The following KCNH5 variants were observed in gnomAD, a reference collection of about 807,000 sequenced individuals.
KCNH5 encodes the protein potassium voltage-gated channel subfamily H member 5, also known as voltage-gated delayed rectifier potassium channel KCNH5.
KCNH5 carries 46 observed loss-of-function variants against 96.1 expected under a neutral mutation model. That is an observed-to-expected ratio of 0.48 (90% CI 0.38 to 0.61). The LOEUF is 0.61. Among genes scored for constraint, KCNH5 ranks in the 20% least tolerant of loss-of-function variants. KCNH5 has a pLI of 0.00. For synonymous variants in KCNH5, 439 were observed against 449.8 expected (o/e 0.98, Z 0.30); for missense variants, 907 against 1,225.8 (o/e 0.74, Z 3.88).
intron 10 of KCNH5, among the ~76,000 whole-genome samples, chr14:62,735,837 T>C (rs1885144538): frequency 6.6e-6 from 1 of 152,192 alleles, no homozygotes; most frequent in African/African-American, 2.4e-5. Context: ...ACTGATGTCC[T>C]TTATAAAAAG....
chr14:62,997,768 T>C (rs1890933601), intron 4 of KCNH5, among the ~76,000 whole-genome samples: 1 of 151,426 alleles, frequency 6.6e-6, no homozygotes. Flanking sequence ...GGCATGGTGG[T>C]GGGCGCCTGT....
intron 3 of KCNH5, among the ~76,000 whole-genome samples, chr14:63,003,801 T>C (rs1891074933): frequency 6.7e-6 from 1 of 150,292 alleles, no homozygotes; most frequent in Non-Finnish European, 1.5e-5. Context: ...TTTGTATTTT[T>C]AGTAGAGACG....
chr14:62,976,799 C>A (rs1251188351), intron 6 of KCNH5, among the ~76,000 whole-genome samples: 1 of 152,052 alleles, frequency 6.6e-6, no homozygotes, highest in Admixed American at 6.5e-5. Flanking sequence ...TATCTCTAGC[C>A]AAGAATATTA....
chr14:62,957,159 G>A (rs1281574728), intron 6 of KCNH5, among the ~76,000 whole-genome samples: 2 of 152,174 alleles, frequency 1.3e-5, no homozygotes, highest in Admixed American at 1.3e-4. Flanking sequence ...GTATCCAGGA[G>A]ACACCTCTGT....
intron 9 of KCNH5, among the ~76,000 whole-genome samples, chr14:62,799,576 A>G: frequency 7.9e-6 from 1 of 126,680 alleles, no homozygotes; most frequent in African/African-American, 3.0e-5. Context: ...TCCGTCTCAA[A>G]AAAAAAAAAA....
At position 62,776,415 on chromosome 14, in the gene KCNH5, A is replaced by C. The variant is rs1007165955; in HGVS notation, c.2019+3313T>G. Among the ~76,000 whole-genome samples the C allele has an allele frequency of 6.6e-5, 10 of 152,114 alleles. No homozygotes were observed. In the East Asian group the frequency reaches 1.9e-3, roughly 29 times the overall value. On this transcript the variant is annotated intron_variant, in intron 10 of 10. Coordinates refer to ENST00000322893, the MANE Select transcript of KCNH5 (RefSeq NM_139318.5). The stretch of plus-strand genomic sequence containing the variant: ...ACACAGTGAGAAGCTGGATATTTGC[A>C]AGCCAGGAAAAGAACCCTCACCAGG...
chr14:62,934,111 T>C (rs1425011721), intron 7 of KCNH5, among the ~76,000 whole-genome samples: 1 of 150,828 alleles, frequency 6.6e-6, no homozygotes, highest in African/African-American at 2.4e-5. Flanking sequence ...TTTTTTCAAA[T>C]GCAGATTTCT....
intron 2 of KCNH5, among the ~76,000 whole-genome samples, chr14:63,008,198 G>A (rs1891161252): frequency 6.6e-6 from 1 of 152,128 alleles, no homozygotes; most frequent in African/African-American, 2.4e-5. Context: ...GATCCAAAGT[G>A]TGGTGGAGGC....
In KCNH5 at chr14:62,849,784, G is replaced by C. The variant is rs748140384; in HGVS notation, c.1438C>G (p.Arg480Gly). The C allele has an allele frequency of 1.2e-6, 2 of 1,613,824 alleles. No homozygotes were observed. The highest frequency in any genetic ancestry group is 8.5e-7 in the Non-Finnish European group (1 of 1,179,792). ...IFQQMYANTN[R>G]YHEMLNNVRD... ...ACATTATTCAGCATCTCATGGTATCGGTTGGTGTTGGCATACATTTGCTGG... is the reference window on the plus strand; with the variant it reads ...ACATTATTCAGCATCTCATGGTATCCGTTGGTGTTGGCATACATTTGCTGG... Residue 480 changes from arginine to glycine, a missense_variant, in exon 8 of 11, where the codon CGA becomes GGA. Arg to Gly is a moderately radical substitution (Grantham distance 125, BLOSUM62 -2). Transcript: ENST00000322893.
Position 62,707,428 on chromosome 14 carries a change from A to T in KCNH5, c.*80T>A. ...GGTCATCATCTTGAAAGCAAGTGAA[A>T]ATATATATATGTATATACTGTATAT... On this transcript the variant is annotated 3_prime_UTR_variant, in exon 11 of 11. Transcript: ENST00000322893. The T allele has an allele frequency of 1.5e-6, 1 of 675,006 alleles. No homozygotes were observed. Among genetic ancestry groups the T allele is most frequent in the Non-Finnish European group, 2.1e-6 (1 of 469,382 alleles). 41.8% of individuals were successfully genotyped at this position (675,006 alleles called of 1,614,324 possible). A position where few individuals can be genotyped will look rare whatever the true frequency, so the allele number is the denominator to read the frequency against.
In KCNH5 at chr14:63,008,933, T is replaced by A. The variant is rs186232874; in HGVS notation, c.198-2461A>T. Among the ~76,000 whole-genome samples, 66 of 152,214 alleles carry A rather than the reference T, an allele frequency of 4.3e-4. 5 individuals carry two copies. In the South Asian group the frequency reaches 5.2e-3, roughly 12 times the overall value. On this transcript the variant is annotated intron_variant, in intron 2 of 10. Coordinates refer to ENST00000322893, the MANE Select transcript of KCNH5 (RefSeq NM_139318.5). ...TAGACAAGTGAAATTTTTAAATCTT[T>A]TTTTACTAACTTTTATTTTTAATTA...
chr14:62,850,951 A>G (rs1956013), intron 7 of KCNH5, among the ~76,000 whole-genome samples: 101,683 of 152,038 alleles, frequency 0.67, 35,138 homozygotes, highest in East Asian at 0.88. Flanking sequence ...CAAAATATAG[A>G]CTGTTTCACT....
chr14:62,868,515 T>C (rs1036079020), intron 7 of KCNH5, among the ~76,000 whole-genome samples: 1 of 152,256 alleles, frequency 6.6e-6, no homozygotes, highest in Non-Finnish European at 1.5e-5. Flanking sequence ...ATTCTGTTTC[T>C]GAGCAATTAT....
In KCNH5 at chr14:62,950,300, C is replaced by T. The variant is rs1461051682; in HGVS notation, c.1202G>A (p.Arg401His). The T allele has an allele frequency of 9.9e-6, 16 of 1,613,948 alleles. No homozygotes were observed. The highest frequency in any genetic ancestry group is 1.7e-4 in the Middle Eastern group (1 of 6,060). ...CCATATCCCAGCACTGGTATTGTAG[C>T]GATATGGAGTCCCAATGCTCAAAGC... ...QLALSIGTPY[R>H]YNTSAGIWEG... Residue 401 changes from arginine (R) to histidine (H), a missense_variant, in exon 7 of 11, where the codon CGC (arginine) becomes CAC (histidine). Around this residue, in one of 6 missense-constraint regions of KCNH5, gnomAD observed 370 missense variants for 561.3 expected, o/e 0.66. Transcript: ENST00000322893.
rs1884317254 is a variant in KCNH5, at chr14:62,699,708, A to G, written c.*7800T>C. On this transcript the variant is annotated 3_prime_UTR_variant, in exon 11 of 11. Coordinates refer to ENST00000322893, the MANE Select transcript of KCNH5 (RefSeq NM_139318.5). ...CCAGAAGCAACTGAATTTTGATCACAATTGTTTCATAATTGACCCTAAAGT... is the reference window on the plus strand; with the variant it reads ...CCAGAAGCAACTGAATTTTGATCACGATTGTTTCATAATTGACCCTAAAGT... The G allele has an allele frequency of 6.6e-6, 1 of 152,214 alleles. No homozygotes were observed. The allele number at this position is 152,214 out of a possible 1,614,324, so 9.4% of individuals were successfully genotyped here.
At chr14:62,791,520 C>T (rs1260828402) in intron 9 of KCNH5, among the ~76,000 whole-genome samples, 1 of 151,612 alleles carries the variant, frequency 6.6e-6, no homozygotes, top group Non-Finnish European at 1.5e-5. Context: ...TAACTATATT[C>T]TACCTATAAG....
At chr14:62,712,392 A>C in intron 10 of KCNH5, 1 of 452,138 alleles carries the variant, frequency 2.2e-6, no homozygotes, top group Non-Finnish European at 3.9e-6. Context: ...ATGGAATGAG[A>C]ACATTTTACG....
intron 6 of KCNH5, among the ~76,000 whole-genome samples, chr14:62,964,201 G>A (rs1337944892): frequency 6.6e-6 from 1 of 151,994 alleles, no homozygotes; most frequent in Non-Finnish European, 1.5e-5. Context: ...GAGCAATCTT[G>A]GTCTAGGGCC....
At position 62,930,004 on chromosome 14, in the gene KCNH5, T is replaced by C. The variant is rs540822437; in HGVS notation, c.1369+20129A>G. 2.6e-5 allele frequency among the ~76,000 whole-genome samples: 4 copies of C among 152,250 alleles called. No individual in the cohort carries two copies. In the South Asian group the frequency reaches 8.3e-4, roughly 32 times the overall value. ...GCTGCATAGTATTCCGTGGTGTATA[T>C]GTAGCACACTTTTTAATCCAGTCCA... On this transcript the variant is annotated intron_variant, in intron 7 of 10. Coordinates refer to ENST00000322893, the MANE Select transcript of KCNH5 (RefSeq NM_139318.5).
Sources: gnomAD v4.1 joint callset for allele counts (sites outside exome capture counted in the v4.1 genomes callset) on GRCh38, gnomAD v4.1.1 for gene constraint, gnomAD v4.1.1 regional missense constraint, MANE v1.5 for transcripts, NCBI Gene and HGNC (gene_info 2026-07-23, HGNC 2026-07-21) for gene names.